The following FAAH2 variants were observed in gnomAD, a reference collection of about 807,000 sequenced individuals.
FAAH2 encodes the protein fatty-acid amide hydrolase 2.
A neutral mutation model predicts 36.9 loss-of-function variants in FAAH2; 60 were observed. The observed-to-expected ratio is 1.63, with a 90% CI of 1.32 to 2.02. The LOEUF (loss-of-function observed/expected upper bound fraction) is 2.02, where lower values mean the gene tolerates loss of function less well. Among genes scored for constraint, FAAH2 ranks in the 30% most tolerant of loss-of-function variants. FAAH2 has a pLI of 0.00. For missense variants in FAAH2, 689 were observed against 397.5 expected (o/e 1.73, Z -6.23); for synonymous variants, 214 against 143.8 (o/e 1.49, Z -3.49).
the FAAH2 span, among the ~76,000 whole-genome samples, chrX:57,177,740 A>G: frequency 1.9e-5 from 2 of 104,804 alleles, no homozygotes; most frequent in Non-Finnish European, 3.9e-5. Flanking sequence ...GTGTGAAGGG[A>G]AAAGAAGTCT....
chrX:57,185,017 T>C, the FAAH2 span, among the ~76,000 whole-genome samples: 1 of 111,433 alleles, frequency 9.0e-6, no homozygotes, highest in Non-Finnish European at 1.9e-5. Flanking sequence ...AGGCGTGCAA[T>C]GCATAATCAC....
intron 7 of FAAH2, among the ~76,000 whole-genome samples, chrX:57,383,561 C>A (rs532648554): frequency 2.1e-4 from 24 of 111,721 alleles, no homozygotes; most frequent in South Asian, 7.5e-4. Flanking sequence ...CATGAGTGAA[C>A]TCCCATTCAC....
At chrX:57,200,376 T>C in the FAAH2 span, among the ~76,000 whole-genome samples, 1 of 93,153 alleles carries the variant, frequency 1.1e-5, no homozygotes, top group African/African-American at 4.9e-5. Flanking sequence ...CTTCATACTT[T>C]CACTTTTTTT....
the FAAH2 span, among the ~76,000 whole-genome samples, chrX:57,257,623 A>G: frequency 9.0e-6 from 1 of 110,861 alleles, no homozygotes; most frequent in Admixed American, 9.6e-5. Context: ...GCAAACCACC[A>G]TGACACGTGT....
At chrX:57,287,148 G>A (rs1377787246) in intron 1 of FAAH2, 131 bp downstream of exon 1, 1 of 630,472 alleles carries the variant, frequency 1.6e-6, no homozygotes, top group African/African-American at 2.3e-5. Flanking sequence ...ATTTATTGGG[G>A]ATGAAGGGAG....
intron 8 of FAAH2, among the ~76,000 whole-genome samples, chrX:57,439,426 T>G (rs1161960596): frequency 1.2e-4 from 13 of 111,992 alleles, no homozygotes; most frequent in African/African-American, 3.9e-4. Context: ...GTTCATATCC[T>G]TCGCCCACTT....
chrX:57,271,746 A>G, the FAAH2 span, among the ~76,000 whole-genome samples: 1 of 111,474 alleles, frequency 9.0e-6, no homozygotes, highest in African/African-American at 3.3e-5. Context: ...TCTGAAGTTC[A>G]CCAACATCAA....
At chrX:57,186,408 G>C in the FAAH2 span, among the ~76,000 whole-genome samples, 6 of 111,196 alleles carry the variant, frequency 5.4e-5, no homozygotes, top group African/African-American at 2.0e-4. Context: ...CCCATATTTT[G>C]ATGTTTTTTC....
At chrX:57,454,728 C>T (rs147873246) in intron 10 of FAAH2, among the ~76,000 whole-genome samples, 2 of 111,535 alleles carry the variant, frequency 1.8e-5, no homozygotes, top group African/African-American at 6.5e-5. Flanking sequence ...CCAGCTTATA[C>T]AATCAACTCA....
chrX:57,378,619 T>C, intron 5 of FAAH2, 32 bp from the exon 6 acceptor site: 1 of 1,208,052 alleles, frequency 8.3e-7, no homozygotes, highest in Non-Finnish European at 1.1e-6. Flanking sequence ...TGTCTTATTT[T>C]GGGCGGCTAA....
At chrX:57,443,835 C>G (rs752087830) in intron 8 of FAAH2, among the ~76,000 whole-genome samples, 3 of 112,353 alleles carry the variant, frequency 2.7e-5, no homozygotes, top group African/African-American at 9.7e-5. Context: ...TTCTAACAGT[C>G]AGGACCCTCA....
the FAAH2 span, among the ~76,000 whole-genome samples, chrX:57,223,525 G>A: frequency 5.4e-5 from 6 of 110,833 alleles, no homozygotes; most frequent in Non-Finnish European, 1.1e-4. Context: ...CACCTTTCCA[G>A]CCATGTTTGA....
At chrX:57,394,911 C>T in intron 7 of FAAH2, 2 of 698,103 alleles carry the variant, frequency 2.9e-6, no homozygotes, top group Non-Finnish European at 4.7e-6. Context: ...CACCCAACCA[C>T]CACAGCATGC....
the FAAH2 span, among the ~76,000 whole-genome samples, chrX:57,146,541 A>G: frequency 3.0e-3 from 339 of 111,697 alleles, 1 homozygote; most frequent in African/African-American, 0.011. Flanking sequence ...CTTTACCAAT[A>G]TGGACAGCAT....
At chrX:57,214,533 T>C in the FAAH2 span, among the ~76,000 whole-genome samples, 1 of 111,451 alleles carries the variant, frequency 9.0e-6, no homozygotes, top group African/African-American at 3.3e-5. Flanking sequence ...TTCAAGCGAT[T>C]ATCCTGCCTC....
chrX:57,222,785 G>C, the FAAH2 span, among the ~76,000 whole-genome samples: 22 of 111,589 alleles, frequency 2.0e-4, no homozygotes, highest in African/African-American at 7.2e-4. Context: ...TGTAAACACT[G>C]TTCAAACCTT....
At chrX:57,395,429 C>A (rs2055270768) in intron 7 of FAAH2, 3 of 662,461 alleles carry the variant, frequency 4.5e-6, no homozygotes, top group Non-Finnish European at 7.2e-6. Context: ...TAGTCTGCTG[C>A]CCACGATGGA....
intron 7 of FAAH2, among the ~76,000 whole-genome samples, chrX:57,402,924 A>G (rs1220813953): frequency 9.0e-6 from 1 of 110,659 alleles, no homozygotes; most frequent in Non-Finnish European, 1.9e-5. Context: ...AGATTGACAA[A>G]CTCTCGGGCT....
At chrX:57,179,838 A>T in the FAAH2 span, among the ~76,000 whole-genome samples, 2 of 112,173 alleles carry the variant, frequency 1.8e-5, no homozygotes, top group Non-Finnish European at 3.8e-5. Flanking sequence ...GCCACATGGC[A>T]CATACTCTAA....
Sources: gnomAD v4.1 joint callset for allele counts (sites outside exome capture counted in the v4.1 genomes callset) on GRCh38, gnomAD v4.1.1 for gene constraint, MANE v1.5 for transcripts, NCBI Gene and HGNC (gene_info 2026-07-23, HGNC 2026-07-21) for gene names.